EPHA4: variants seen among roughly 807,000 people sequenced by gnomAD.
The protein encoded by EPHA4 is ephrin type-A receptor 4.
EPHA4 carries 19 observed loss-of-function variants against 108.3 expected under a neutral mutation model. The observed-to-expected ratio is 0.18, with a 90% CI of 0.12 to 0.26. The LOEUF (loss-of-function observed/expected upper bound fraction) is 0.26, where lower values mean the gene tolerates loss of function less well. Ranked by LOEUF, EPHA4 falls within the 10% of genes least tolerant of loss-of-function variation. EPHA4 has a pLI of 1.00. For synonymous variants in EPHA4, 449 were observed against 455.5 expected (o/e 0.99, Z 0.18); for missense variants, 917 against 1,254.0 (o/e 0.73, Z 4.06).
At chr2:221,503,115 C>G (rs952625056) in intron 3 of EPHA4, among the ~76,000 whole-genome samples, 19 of 152,164 alleles carry the variant, frequency 1.2e-4, no homozygotes, top group African/African-American at 4.6e-4. Context: ...GAACACAAAC[C>G]CACTGGGTCC....
In EPHA4 at chr2:221,426,530, C is replaced by T. The variant is rs750627059; in HGVS notation, c.2780G>A (p.Arg927Gln). The change falls in exon 16 of 18, where the codon CGG becomes CAG. Residue 927 changes from arginine (R) to glutamine (Q), a missense_variant. This residue lies in a region of EPHA4 where 133 missense variants were observed against 132.8 expected (regional missense o/e 1.00). Transcript: ENST00000281821. ...GDWLQAIKMD[R>Q]YKDNFTAAGY... The stretch of plus-strand genomic sequence containing the variant: ...AGCAGCTGTGAAGTTATCCTTATAC[C>T]GGTCCATTTTAATGGCCTGGAGCCA... The T allele has an allele frequency of 1.2e-5, 19 of 1,613,980 alleles. No individual in the cohort carries two copies. Among genetic ancestry groups the T allele is most frequent in the Middle Eastern group, 1.6e-4 (1 of 6,084 alleles).
intron 3 of EPHA4, among the ~76,000 whole-genome samples, chr2:221,509,704 G>A (rs933756478): frequency 1.3e-5 from 2 of 152,196 alleles, no homozygotes; most frequent in African/African-American, 4.8e-5. Context: ...GGACAGAGAT[G>A]TTTCACAGAC....
intron 5 of EPHA4, among the ~76,000 whole-genome samples, chr2:221,467,891 T>C (rs1310905889): frequency 6.6e-6 from 1 of 152,184 alleles, no homozygotes; most frequent in Non-Finnish European, 1.5e-5. Flanking sequence ...TTTCCTGTTA[T>C]AAGTAAGAAT....
At chr2:221,499,909 C>A (rs888847720) in intron 4 of EPHA4, among the ~76,000 whole-genome samples, 4 of 151,106 alleles carry the variant, frequency 2.6e-5, no homozygotes, top group African/African-American at 9.7e-5. Flanking sequence ...AGGCACCACC[C>A]ACCATGCCAG....
intron 3 of EPHA4, among the ~76,000 whole-genome samples, chr2:221,533,725 C>CCA (rs1693586751): frequency 4.7e-5 from 3 of 63,480 alleles, no homozygotes; most frequent in Non-Finnish European, 8.4e-5. Context: ...TGACTAGTGT[C>CCA]AAAAAAAAAA....
chr2:221,539,229 G>A (rs967969485), intron 3 of EPHA4, among the ~76,000 whole-genome samples: 1 of 152,164 alleles, frequency 6.6e-6, no homozygotes, highest in Non-Finnish European at 1.5e-5. Context: ...TACTTATGAC[G>A]ACAAGCTGAT....
At chr2:221,483,806 G>T (rs920107515) in intron 4 of EPHA4, among the ~76,000 whole-genome samples, 1 of 151,934 alleles carries the variant, frequency 6.6e-6, no homozygotes, top group South Asian at 2.1e-4. Flanking sequence ...GGCCATGATT[G>T]GTCTTAATAG....
At position 221,482,948 on chromosome 2, in the gene EPHA4, G is replaced by A. The variant is rs548508393; in HGVS notation, c.980-258C>T. Among the ~76,000 whole-genome samples, 5 of 152,312 alleles carry A rather than the reference G, an allele frequency of 3.3e-5. No individual in the cohort carries two copies. The East Asian group carries it at 7.7e-4, about 24-fold the overall frequency. On this transcript the variant is annotated intron_variant, in intron 4 of 17. Transcript: ENST00000281821. ...CTTTGAGATGTGAAGCAACTCTCCA[G>A]CAAATGGGCTCCAAGCCCAGGCTTT...
At chr2:221,424,920 T>A (rs1421976128) in intron 17 of EPHA4, among the ~76,000 whole-genome samples, 1 of 152,174 alleles carries the variant, frequency 6.6e-6, no homozygotes, top group African/African-American at 2.4e-5. Context: ...GAGCCCTTCG[T>A]GATGGAAAGC....
At chr2:221,501,194 CA>C in intron 3 of EPHA4, 22 bp from the exon 4 acceptor site, 2 of 1,550,274 alleles carry the variant, frequency 1.3e-6, no homozygotes, top group Non-Finnish European at 1.7e-6. Flanking sequence ...AAGAAAAAAA[CA>C]AACAAATAGA....
At chr2:221,434,080 A>G (rs1690159197) in intron 14 of EPHA4, 62 bp downstream of exon 14, 1 of 1,546,748 alleles carries the variant, frequency 6.5e-7, no homozygotes, top group East Asian at 2.3e-5. Flanking sequence ...TCCATCATAC[A>G]GTAATGCAGA....
chr2:221,544,450 C>T (rs1314513246), intron 3 of EPHA4, among the ~76,000 whole-genome samples: 30 of 152,254 alleles, frequency 2.0e-4, no homozygotes, highest in Admixed American at 2.0e-3. Flanking sequence ...CTCAGCCTCC[C>T]AAGTAGCTGG....
intron 9 of EPHA4, 114 bp from the exon 10 acceptor site, chr2:221,443,720 C>T (rs1690504667): frequency 4.8e-6 from 3 of 626,678 alleles, no homozygotes; most frequent in East Asian, 5.8e-5. Flanking sequence ...GCTGTACGGT[C>T]TTGACATATG....
intron 11 of EPHA4, among the ~76,000 whole-genome samples, chr2:221,438,062 AAAAC>A (rs898805456): frequency 6.6e-6 from 1 of 152,222 alleles, no homozygotes; most frequent in African/African-American, 2.4e-5. Context: ...CCTACCTCAA[AAAAC>A]AAACAAACAA....
At chr2:221,464,355 T>C (rs1691240994) in intron 5 of EPHA4, among the ~76,000 whole-genome samples, 1 of 152,242 alleles carries the variant, frequency 6.6e-6, no homozygotes. Context: ...TTGCTTCTTA[T>C]CAAAGGTTTG....
rs560184474 is a variant in EPHA4 at position 221,496,472 on chromosome 2, A to G, written c.979+4545T>C. ...CGAAAGGAAGAGCCATAGGCTAAGA[A>G]TTAGAATCCAGTTCTGCTGCCTGAC... On this transcript the variant is annotated intron_variant, in intron 4 of 17. Transcript: ENST00000281821. Among the ~76,000 whole-genome samples the G allele has an allele frequency of 3.5e-4, 54 of 152,350 alleles. No individual in the cohort carries two copies. The South Asian group carries it at 0.011, about 31-fold the overall frequency.
At position 221,498,978 on chromosome 2, in the gene EPHA4, A is replaced by G. The variant is rs533819614; in HGVS notation, c.979+2039T>C. On this transcript the variant is annotated intron_variant, in intron 4 of 17. Coordinates refer to ENST00000281821, the MANE Select transcript of EPHA4 (RefSeq NM_004438.5). Reference sequence around the variant, plus strand: ...TCTAATTTTTGTATTTTTAGTGGAGACGGAGTTTTGCTATGTTGCCCAGGC... The same window carrying G: ...TCTAATTTTTGTATTTTTAGTGGAGGCGGAGTTTTGCTATGTTGCCCAGGC... Among the ~76,000 whole-genome samples the G allele has an allele frequency of 1.2e-3, 184 of 151,358 alleles. 2 individuals are homozygous for G. The highest frequency in any genetic ancestry group is 2.9e-4 in the Non-Finnish European group (20 of 67,844).
At chr2:221,506,303 T>A (rs1386462484) in intron 3 of EPHA4, among the ~76,000 whole-genome samples, 2 of 152,196 alleles carry the variant, frequency 1.3e-5, no homozygotes, top group African/African-American at 2.4e-5. Flanking sequence ...ATTTCTTATG[T>A]TAATAATATA....
At chr2:221,548,458 A>G (rs1302575036) in intron 3 of EPHA4, among the ~76,000 whole-genome samples, 1 of 152,094 alleles carries the variant, frequency 6.6e-6, no homozygotes, top group Non-Finnish European at 1.5e-5. Context: ...GGACATGAGT[A>G]AAAGCTTCCT....
Sources: allele counts gnomAD v4.1 joint callset (sites outside exome capture counted in the v4.1 genomes callset), GRCh38; gene constraint gnomAD v4.1.1; regional missense constraint gnomAD v4.1.1; transcripts MANE v1.5; gene names NCBI Gene and HGNC (gene_info 2026-07-23, HGNC 2026-07-21).